The following TREM1 variants were observed in gnomAD, a reference collection of about 807,000 sequenced individuals.
TREM1 encodes the protein triggering receptor expressed on myeloid cells 1.
A neutral mutation model predicts 22.4 loss-of-function variants in TREM1; 16 were observed. The observed-to-expected ratio is 0.71, with a 90% confidence interval of 0.48 to 1.08. The LOEUF (loss-of-function observed/expected upper bound fraction) is 1.08. TREM1 is among the 50% of genes least tolerant of loss of function. TREM1 has a pLI of 0.00. For missense variants in TREM1, 283 were observed against 282.9 expected, an observed-to-expected ratio of 1.00 and a Z score of 0.00; for synonymous variants, 110 against 111.6, an observed-to-expected ratio of 0.99 and a Z score of 0.09.
chr6:41,268,535 T>C (rs1158032202), intron 3 of TREM1, among the ~76,000 whole-genome samples: 2 of 152,182 alleles, frequency 1.3e-5, no homozygotes, highest in African/African-American at 2.4e-5. Context: ...ATGTGAAATA[T>C]AGGCCTTTAT....
intron 1 of TREM1, 64 bp from the exon 2 acceptor site, chr6:41,282,815 A>G: frequency 7.0e-7 from 1 of 1,419,108 alleles, no homozygotes; most frequent in Non-Finnish European, 9.6e-7. Context: ...AGTGGGGAAA[A>G]AGGAGAGGAG....
chr6:41,284,208 T>C (rs1360621143), intron 1 of TREM1, among the ~76,000 whole-genome samples: 1 of 152,134 alleles, frequency 6.6e-6, no homozygotes, highest in Admixed American at 6.5e-5. Flanking sequence ...CTAGACATTT[T>C]TGGTTGTTAT....
chr6:41,279,994 G>T (rs1767839348), intron 3 of TREM1: 3 of 979,648 alleles, frequency 3.1e-6, no homozygotes, highest in African/African-American at 1.8e-5. Context: ...GTAAGTTATG[G>T]CTTTCCCAAT....
At chr6:41,280,836 T>C (rs918141436) in intron 3 of TREM1, 125 bp downstream of exon 3, 1 of 1,533,406 alleles carries the variant, frequency 6.5e-7, no homozygotes, top group Admixed American at 2.0e-5. Flanking sequence ...CCCAGACTAA[T>C]GTGACTCAAG....
chr6:41,277,358 C>T (rs1480078971), intron 3 of TREM1, among the ~76,000 whole-genome samples: 5 of 137,624 alleles, frequency 3.6e-5, no homozygotes, highest in Admixed American at 7.5e-5. Flanking sequence ...GGGGCAGAGA[C>T]GGGGGCAGGG....
intron 1 of TREM1, among the ~76,000 whole-genome samples, chr6:41,283,223 A>G (rs6939973): frequency 0.12 from 18,381 of 152,208 alleles, 1,181 homozygotes; most frequent in Middle Eastern, 0.14. Flanking sequence ...AGCTCAAAAG[A>G]CCTTTGGACA....
rs1767583735 is a variant in TREM1 at position 41,274,414 on chromosome 6, C to T, written c.*1711G>A. 6.6e-6 allele frequency among the ~76,000 whole-genome samples: 1 copy of T among 152,112 alleles called. No homozygotes were observed. Among genetic ancestry groups the T allele is most frequent in the Non-Finnish European group, 1.5e-5 (1 of 68,026 alleles). On this transcript the variant is annotated 3_prime_UTR_variant, in exon 4 of 4. Transcript: ENST00000244709. ...GTATTTAATGATAATACCCCCTTGC[C>T]CTGGTCACTTTGTCAACTTCATAAA... is the stretch of plus-strand genomic sequence containing the variant.
At chr6:41,280,076 G>T (rs1359806484) in intron 3 of TREM1, 3 of 952,442 alleles carry the variant, frequency 3.1e-6, no homozygotes, top group African/African-American at 1.8e-5. Context: ...AATAATTTCA[G>T]CAAGGAAAAG....
At chr6:41,278,679 G>GA (rs1001342616) in intron 3 of TREM1, among the ~76,000 whole-genome samples, 1 of 151,604 alleles carries the variant, frequency 6.6e-6, no homozygotes, top group African/African-American at 2.4e-5. Flanking sequence ...AAAAGAAAAA[G>GA]AAAAAAAGCT....
At chr6:41,284,736 C>T (rs1768084005) in intron 1 of TREM1, among the ~76,000 whole-genome samples, 1 of 152,154 alleles carries the variant, frequency 6.6e-6, no homozygotes, top group African/African-American at 2.4e-5. Flanking sequence ...CCCTGGCATG[C>T]CCACCCCAGG....
chr6:41,279,525 A>G (rs1440685099), intron 3 of TREM1: 3 of 983,502 alleles, frequency 3.1e-6, no homozygotes, highest in Non-Finnish European at 2.4e-6. Context: ...AAAAAAAAAA[A>G]TTGACTCTTA....
chr6:41,276,992 A>G (rs971689107), intron 3 of TREM1, among the ~76,000 whole-genome samples: 2 of 152,118 alleles, frequency 1.3e-5, no homozygotes, highest in Non-Finnish European at 2.9e-5. Context: ...GGACAGCAAC[A>G]TGGTAACGGT....
intron 3 of TREM1, among the ~76,000 whole-genome samples, chr6:41,277,400 G>A (rs1344110154): frequency 1.3e-5 from 2 of 152,228 alleles, no homozygotes; most frequent in South Asian, 2.1e-4. Context: ...CAAGGGGCAG[G>A]GAGCCAGCAT....
intron 3 of TREM1, chr6:41,279,696 A>G (rs1302336666): frequency 8.1e-6 from 8 of 985,352 alleles, no homozygotes; most frequent in African/African-American, 1.7e-5. Flanking sequence ...TTTAGCAGGA[A>G]TGTGATTTAA....
downstream of TREM1, among the ~76,000 whole-genome samples, chr6:41,272,934 C>A (rs715862): frequency 1.3e-5 from 2 of 152,052 alleles, no homozygotes; most frequent in Non-Finnish European, 2.9e-5. Context: ...CTTTTGGGGG[C>A]ACAGGCCCCA....
intron 3 of TREM1, among the ~76,000 whole-genome samples, chr6:41,277,499 G>A (rs995710018): frequency 6.6e-6 from 1 of 152,242 alleles, no homozygotes. Context: ...TGGCTTCCGG[G>A]CTCTGCTCAC....
In TREM1 at chr6:41,282,480, A is replaced by C. The variant is rs1767964646; in HGVS notation, c.321T>G (p.Asp107Glu). The C allele has an allele frequency of 6.2e-7, 1 of 1,614,068 alleles. No homozygotes were observed. The highest frequency in any genetic ancestry group is 8.5e-7 in the Non-Finnish European group (1 of 1,180,036). Residue 107 changes from aspartate (D) to glutamate (E), a missense_variant, in exon 2 of 4, where the codon GAT (aspartate) becomes GAG (glutamate). By Grantham distance (45) the Asp-to-Glu change is conservative (BLOSUM62 2). Transcript: ENST00000244709. ...RVRMVNLQVE[D>E]SGLYQCVIYQ... is the part of the protein sequence containing the mutation. The stretch of plus-strand genomic sequence containing the variant: ...AGATCACACACTGATACAGTCCAGA[A>C]TCTTCCACTTGAAGGTTGACCATTC...
At chr6:41,283,655 T>A (rs1306431844) in intron 1 of TREM1, among the ~76,000 whole-genome samples, 2 of 151,358 alleles carry the variant, frequency 1.3e-5, no homozygotes, top group Non-Finnish European at 2.9e-5. Flanking sequence ...GAGGTTACAG[T>A]GAGCCAAGAT....
downstream of TREM1, among the ~76,000 whole-genome samples, chr6:41,270,446 A>ATATATATAT (rs1325572554): frequency 5.6e-5 from 8 of 144,006 alleles, no homozygotes; most frequent in African/African-American, 2.2e-4. Context: ...GATATTATAT[A>ATATATATAT]ATATATATAT....
Sources: gnomAD v4.1 joint callset for allele counts (sites outside exome capture counted in the v4.1 genomes callset) on GRCh38, gnomAD v4.1.1 for gene constraint, MANE v1.5 for transcripts, NCBI Gene and HGNC (gene_info 2026-07-23, HGNC 2026-07-21) for gene names.